The following KISS1R variants were observed in gnomAD, a reference collection of about 807,000 sequenced individuals.
KISS1R encodes the protein kiSS-1 receptor.
Under a neutral mutation model 22.0 loss-of-function variants are expected in KISS1R, and 19 were observed. That is an observed-to-expected ratio of 0.86 (90% confidence interval 0.60 to 1.26). The LOEUF (loss-of-function observed/expected upper bound fraction) is 1.26. Ranked by LOEUF, KISS1R falls within the 50% of genes most tolerant of loss-of-function variation. The pLI is 0.00. For synonymous variants in KISS1R, 302 were observed against 283.9 expected, an observed-to-expected ratio of 1.06 and a Z score of -0.64; for missense variants, 653 against 581.9, an observed-to-expected ratio of 1.12 and a Z score of -1.26.
In KISS1R at chr19:920,293, C is replaced by G; in HGVS notation, c.742C>G (p.Gln248Glu). Residue 248 changes from glutamine to glutamate, a missense_variant, in exon 5 of 5, where the codon CAG becomes GAG. Coordinates refer to ENST00000234371, the MANE Select transcript of KISS1R (RefSeq NM_032551.5). ...CACCTTCACGGCACCCCCCCAGGGG[C>G]AGGTGCTGGCAGAGCGCGCAGGCGC... The part of the protein sequence containing the change: ...PAPADSALQG[Q>E]VLAERAGAVR... 1.3e-6 allele frequency: 2 copies of G among 1,570,178 alleles called. No individual in the cohort carries two copies. Among genetic ancestry groups the G allele is most frequent in the Non-Finnish European group, 1.7e-6 (2 of 1,167,084 alleles).
At position 920,658 on chromosome 19, in the gene KISS1R, C is replaced by G. The variant is rs948358007; in HGVS notation, c.1107C>G (p.His369Gln). The G allele has an allele frequency of 1.4e-5, 19 of 1,312,290 alleles. No individual in the cohort carries two copies. Among genetic ancestry groups the G allele is most frequent in the Non-Finnish European group, 1.8e-5 (19 of 1,034,994 alleles). 81.3% of individuals were successfully genotyped at this position (1,312,290 alleles called of 1,614,324 possible). The stretch of plus-strand genomic sequence containing the variant: ...CGGAGCTGCTCCGCCTGGGGTCCCA[C>G]CCGGCCCCCGCCAGGGCGCAGAAGC... ...PHAELLRLGS[H>Q]PAPARAQKPG... Residue 369 changes from histidine to glutamine, a missense_variant, in exon 5 of 5, where the codon CAC becomes CAG. Coordinates refer to ENST00000234371, the MANE Select transcript of KISS1R (RefSeq NM_032551.5).
At chr19:920,251 CCA>C (rs2037105372) in intron 4 of KISS1R, 37 bp from the exon 5 acceptor site, 2 of 1,552,158 alleles carry the variant, frequency 1.3e-6, no homozygotes, top group Admixed American at 3.7e-5. Context: ...GAGCCGGGCC[CCA>C]GCCTTTCGTC....
chr19:918,643 G>C lies in KISS1R; in HGVS notation c.344G>C (p.Cys115Ser). The change falls in exon 2 of 5, where the codon TGC becomes TCC. Residue 115 changes from cysteine to serine, a missense_variant. Cys to Ser is a moderately radical substitution (Grantham distance 112). Transcript: ENST00000234371. ...GGCTGGGTGCTGGGCGACTTCATGTGCAAGTTCGTCAACTACATCCAGCAG... is the reference window on the plus strand; with the variant it reads ...GGCTGGGTGCTGGGCGACTTCATGTCCAAGTTCGTCAACTACATCCAGCAG... ...LPGWVLGDFM[C>S]KFVNYIQQVS... is the part of the protein sequence containing the mutation. The C allele has an allele frequency of 6.4e-7, 1 of 1,551,078 alleles. No homozygotes were observed.
At position 920,691 on chromosome 19, in the gene KISS1R, C is replaced by G; in HGVS notation, c.1140C>G (p.Ser380Arg). ...PAPARAQKPG[S>R]SGLAARGLCV... ...CCGCCAGGGCGCAGAAGCCAGGGAG[C>G]AGTGGGCTGGCCGCGCGCGGGCTGT... The change falls in exon 5 of 5, where the codon AGC becomes AGG. Residue 380 changes from serine to arginine, a missense_variant. Coordinates refer to ENST00000234371, the MANE Select transcript of KISS1R (RefSeq NM_032551.5). 1 of 1,316,288 alleles carries G rather than the reference C, an allele frequency of 7.6e-7. No individual in the cohort carries two copies. Among genetic ancestry groups the G allele is most frequent in the Non-Finnish European group, 9.7e-7 (1 of 1,033,460 alleles). 81.5% of individuals were successfully genotyped at this position (1,316,288 alleles called of 1,614,324 possible).
rs538545745 is a variant in KISS1R, at chr19:919,341, C to T, written c.370-149C>T. The T allele has an allele frequency of 2.8e-5, 32 of 1,152,718 alleles. No homozygotes were observed. The African/African-American group carries it at 4.6e-4, about 16-fold the overall frequency. The allele number at this position is 1,152,718 out of a possible 1,614,324, so 71.4% of individuals were successfully genotyped here. A position where few individuals can be genotyped will look rare whatever the true frequency, so the allele number is the denominator to read the frequency against. On this transcript the variant is annotated intron_variant, in intron 2 of 4. Transcript: ENST00000234371. ...CTCTCCCAGTCTCCCCACCTTCTGT[C>T]CCCTCAACCCGCACTGGACACTCCT...
intron 4 of KISS1R, 78 bp from the exon 5 acceptor site, chr19:920,212 C>T: frequency 3.3e-6 from 5 of 1,524,864 alleles, no homozygotes; most frequent in Non-Finnish European, 4.4e-6. Flanking sequence ...CCCAAGGGGT[C>T]CAGGAGGGGC....
chr19:917,842 C>G (rs937550382), intron 1 of KISS1R, 96 bp downstream of exon 1: 2 of 1,404,556 alleles, frequency 1.4e-6, no homozygotes, highest in Non-Finnish European at 1.9e-6. Context: ...GGGGCCCTCT[C>G]GGACCCGGCT....
chr19:917,690 T>C lies in KISS1R; in HGVS notation c.188T>C (p.Val63Ala). The C allele has an allele frequency of 6.3e-7, 1 of 1,596,054 alleles. No individual in the cohort carries two copies. Among genetic ancestry groups the C allele is most frequent in the Non-Finnish European group, 8.5e-7 (1 of 1,172,786 alleles). ...MLLGLVGNSL[V>A]IYVICRHKPM... ...CTGGGCCTGGTGGGGAACTCGCTGG[T>C]CATCTACGTCATCTGCCGCCACAAG... is the stretch of plus-strand genomic sequence containing the variant. Residue 63 changes from valine (V) to alanine (A), a missense_variant, in exon 1 of 5, where the codon GTC (valine) becomes GCC (alanine). Val to Ala is a moderately conservative substitution (Grantham distance 64). Transcript: ENST00000234371.
At position 917,545 on chromosome 19, in the gene KISS1R, G is replaced by C; in HGVS notation, c.43G>C (p.Ala15Pro). 1 of 1,518,784 alleles carries C rather than the reference G, an allele frequency of 6.6e-7. No individual in the cohort carries two copies. 94.1% of individuals were successfully genotyped at this position (1,518,784 alleles called of 1,614,324 possible). ...ATSGPNASWG[A>P]PANASGCPGC... ...GTCCGGACCCAACGCGTCCTGGGGGGCACCGGCCAACGCCTCCGGCTGCCC... is the reference window on the plus strand; with the variant it reads ...GTCCGGACCCAACGCGTCCTGGGGGCCACCGGCCAACGCCTCCGGCTGCCC... The change falls in exon 1 of 5, where the codon GCA (alanine) becomes CCA (proline). Residue 15 changes from alanine to proline, a missense_variant. Transcript: ENST00000234371.
At position 920,457 on chromosome 19, in the gene KISS1R, C is replaced by G; in HGVS notation, c.906C>G (p.Tyr302Ter). The G allele has an allele frequency of 6.2e-7, 1 of 1,610,956 alleles. No homozygotes were observed. Among genetic ancestry groups the G allele is most frequent in the African/African-American group, 1.3e-5 (1 of 74,704 alleles). ...GSWHPRSYAAYALKTWAHCMS... is the reference protein window; with the variant it reads ...GSWHPRSYAA ...GGCACCCACGCAGCTACGCCGCCTA[C>G]GCGCTTAAGACCTGGGCTCACTGCA... Residue 302 changes from tyrosine to a stop codon, truncating the protein, a stop_gained, in exon 5 of 5, where the codon TAC becomes TAG. Transcript: ENST00000234371. LOFTEE classifies it low-confidence loss of function (END_TRUNC).
chr19:918,408 G>A, intron 1 of KISS1R, 136 bp from the exon 2 acceptor site: 1 of 236,226 alleles, frequency 4.2e-6, no homozygotes, highest in Non-Finnish European at 5.7e-6. Flanking sequence ...GGGGCGCTGG[G>A]GGAGGGGGGG....
chr19:918,860 C>A (rs1470924534), intron 2 of KISS1R, among the ~76,000 whole-genome samples, 192 bp downstream of exon 2: 1 of 84,396 alleles, frequency 1.2e-5, no homozygotes, highest in Admixed American at 1.5e-4. Flanking sequence ...CACGTGGGGA[C>A]GGAGGGAGAT....
At chr19:920,261 G>T (rs1223533500) in intron 4 of KISS1R, 29 bp from the exon 5 acceptor site, 1 of 1,560,626 alleles carries the variant, frequency 6.4e-7, no homozygotes. Context: ...CCAGCCTTTC[G>T]TCTAACCACC....
chr19:919,705 G>T lies in KISS1R; in HGVS notation c.505+80G>T, dbSNP rs116826180. On this transcript the variant is annotated intron_variant, in intron 3 of 4. Coordinates refer to ENST00000234371, the MANE Select transcript of KISS1R (RefSeq NM_032551.5). Reference sequence around the variant, plus strand: ...GGCGCCCGGAGCCACCTGCCGCCTCGGTCCAGCATCTGGAAAATGGGCGCA... The same window carrying T: ...GGCGCCCGGAGCCACCTGCCGCCTCTGTCCAGCATCTGGAAAATGGGCGCA... 3,558 of 1,529,898 alleles carry T rather than the reference G, an allele frequency of 2.3e-3. 70 individuals carry two copies. The African/African-American group carries it at 0.042, about 18-fold the overall frequency. The allele number at this position is 1,529,898 out of a possible 1,614,324, so 94.8% of individuals were successfully genotyped here.
chr19:919,651 G>T, intron 3 of KISS1R, 26 bp downstream of exon 3: 1 of 1,543,138 alleles, frequency 6.5e-7, no homozygotes, highest in Non-Finnish European at 8.7e-7. Flanking sequence ...GGGCCTCACG[G>T]GAGAAGGCGG....
chr19:919,569 C>A lies in KISS1R; in HGVS notation c.449C>A (p.Ala150Asp). ...RWYVTVFPLR[A>D]LHRRTPRLAL... ...TACGTGACGGTGTTCCCGTTGCGCG[C>A]CCTGCACCGCCGCACGCCCCGCCTG... Residue 150 changes from alanine to aspartate, a missense_variant, in exon 3 of 5, where the codon GCC becomes GAC. Transcript: ENST00000234371. The A allele has an allele frequency of 6.4e-7, 1 of 1,556,444 alleles. No homozygotes were observed. Among genetic ancestry groups the A allele is most frequent in the Non-Finnish European group, 8.7e-7 (1 of 1,154,178 alleles).
intron 2 of KISS1R, among the ~76,000 whole-genome samples, chr19:919,134 TG>T (rs1398323989): frequency 9.2e-4 from 4 of 4,368 alleles, no homozygotes; most frequent in Admixed American, 8.5e-3. Context: ...AGAACTGGAG[TG>T]GGGGGCGGGA....
intron 1 of KISS1R, among the ~76,000 whole-genome samples, chr19:918,151 T>A (rs1439383824): frequency 6.6e-6 from 1 of 151,718 alleles, no homozygotes; most frequent in Admixed American, 6.6e-5. Context: ...TGTCCTGGGG[T>A]CCCCTATCAC....
In KISS1R at chr19:920,781, G is replaced by C. The variant is rs1173806257; in HGVS notation, c.*33G>C. ...CGGTGGGAATCCGAGCGGCTCCCTCGGGAGCGGGGACTGCTGGAACAGCGG... is the reference window on the plus strand; with the variant it reads ...CGGTGGGAATCCGAGCGGCTCCCTCCGGAGCGGGGACTGCTGGAACAGCGG... On this transcript the variant is annotated 3_prime_UTR_variant, in exon 5 of 5. Transcript: ENST00000234371. 1 of 1,254,702 alleles carries C rather than the reference G, an allele frequency of 8.0e-7. No homozygotes were observed. Among genetic ancestry groups the C allele is most frequent in the Non-Finnish European group, 1.0e-6 (1 of 1,000,620 alleles). 77.7% of individuals were successfully genotyped at this position (1,254,702 alleles called of 1,614,324 possible). A position where few individuals can be genotyped will look rare whatever the true frequency, so the allele number is the denominator to read the frequency against.
Sources: allele counts gnomAD v4.1 joint callset (sites outside exome capture counted in the v4.1 genomes callset), GRCh38; gene constraint gnomAD v4.1.1; transcripts MANE v1.5; gene names NCBI Gene and HGNC (gene_info 2026-07-23, HGNC 2026-07-21).